SMARCAD1: variants seen among roughly 807,000 people sequenced by gnomAD.
SMARCAD1 encodes the protein SNF2 related chromatin remodeling ATPase with DExD box 1, also known as SWI/SNF-related matrix-associated actin-dependent regulator of chromatin subfamily A containing DEAD/H box 1.
Under a neutral mutation model 127.1 loss-of-function variants are expected in SMARCAD1, and 25 were observed. The ratio of observed to expected loss-of-function variants is 0.20; its 90% CI spans 0.14 to 0.27. The LOEUF is 0.27. Among genes scored for constraint, SMARCAD1 ranks in the 10% least tolerant of loss-of-function variants. The pLI is 1.00. For missense variants in SMARCAD1, 807 were observed against 1,206.0 expected (o/e 0.67, Z 4.90); for synonymous variants, 400 against 396.9 (o/e 1.01, Z -0.09).
At chr4:94,248,916 G>A (rs1426424074) in intron 6 of SMARCAD1, among the ~76,000 whole-genome samples, 1 of 152,168 alleles carries the variant, frequency 6.6e-6, no homozygotes, top group Admixed American at 6.5e-5. Flanking sequence ...CATCTTGTGT[G>A]TATAGCATGT....
intron 6 of SMARCAD1, among the ~76,000 whole-genome samples, chr4:94,242,296 C>G (rs551636130): frequency 3.3e-5 from 5 of 152,088 alleles, no homozygotes; most frequent in South Asian, 4.1e-4. Context: ...CCACCCACCT[C>G]GGCTTCCCAA....
intron 4 of SMARCAD1, 138 bp from the exon 5 acceptor site, chr4:94,236,814 G>T: frequency 1.4e-6 from 1 of 710,486 alleles, no homozygotes; most frequent in Non-Finnish European, 2.5e-6. Context: ...TTTATCATAG[G>T]ACTTAATGAA....
chr4:94,280,877 C>A, intron 20 of SMARCAD1, 97 bp downstream of exon 20: 1 of 1,144,762 alleles, frequency 8.7e-7, no homozygotes, highest in Non-Finnish European at 1.3e-6. Flanking sequence ...TAGCCTATGT[C>A]TGTTCTGCAT....
chr4:94,241,308 G>A (rs572883565), intron 6 of SMARCAD1, among the ~76,000 whole-genome samples: 1 of 152,244 alleles, frequency 6.6e-6, no homozygotes, highest in East Asian at 1.9e-4. Context: ...CATATAATTT[G>A]TGACTGTTTT....
chr4:94,232,749 T>C (rs1196205133), intron 3 of SMARCAD1, among the ~76,000 whole-genome samples: 1 of 151,954 alleles, frequency 6.6e-6, no homozygotes, highest in Non-Finnish European at 1.5e-5. Context: ...GCCTAGGAGT[T>C]CAAGACAAGC....
chr4:94,288,814 A>G (rs1201424766), intron 23 of SMARCAD1, among the ~76,000 whole-genome samples: 1 of 152,218 alleles, frequency 6.6e-6, no homozygotes, highest in Non-Finnish European at 1.5e-5. Flanking sequence ...ATCTCAAAAT[A>G]TTCTCAGTGC....
In SMARCAD1 at chr4:94,253,408, TGAA is replaced by T. The variant is rs1199957406; in HGVS notation, c.1281+404_1281+406del. On this transcript the variant is annotated intron_variant, in intron 9 of 23. Transcript: ENST00000354268. ...TGGCAGAAATTTTACTACAACTACT[TGAA>T]GAGCAATAGCAACGGCCAGGGGAGC... 7.2e-6 allele frequency: 9 copies of T among 1,252,850 alleles called. No homozygotes were observed. In the African/African-American group the frequency reaches 1.4e-4, roughly 19 times the overall value. 77.6% of individuals were successfully genotyped at this position (1,252,850 alleles called of 1,614,324 possible).
intron 2 of SMARCAD1, among the ~76,000 whole-genome samples, chr4:94,225,707 C>G (rs1744881996): frequency 6.6e-6 from 1 of 152,066 alleles, no homozygotes; most frequent in Non-Finnish European, 1.5e-5. Context: ...TGCATATTAA[C>G]TTTGTGATTA....
chr4:94,208,267 C>T, intron 1 of SMARCAD1, 79 bp from the exon 2 acceptor site: 3 of 1,032,144 alleles, frequency 2.9e-6, no homozygotes, highest in Non-Finnish European at 4.6e-6. Context: ...CCTTTATTGC[C>T]TTGGGAATAA....
At chr4:94,253,689 G>T (rs1057187093) in intron 9 of SMARCAD1, 2 of 995,574 alleles carry the variant, frequency 2.0e-6, no homozygotes, top group East Asian at 2.2e-4. Flanking sequence ...CACTTTGCAT[G>T]ATCATTTTCT....
At chr4:94,239,594 A>G (rs570569139) in intron 5 of SMARCAD1, among the ~76,000 whole-genome samples, 155 of 147,010 alleles carry the variant, frequency 1.1e-3, no homozygotes, top group Non-Finnish European at 1.5e-3. Flanking sequence ...TTATTTTGAG[A>G]CAGGGCCTCA....
rs529028578 is a variant in SMARCAD1, at chr4:94,261,636, G to A, written c.1282-3071G>A. On this transcript the variant is annotated intron_variant, in intron 9 of 23. Coordinates refer to ENST00000354268, the MANE Select transcript of SMARCAD1 (RefSeq NM_020159.5). ...AAGTTTGTTTGTTTGTTTTTGAGAC[G>A]GGGTCTCACTCTATCACCCAGGCTG... Among the ~76,000 whole-genome samples the A allele has an allele frequency of 1.4e-4, 22 of 152,096 alleles. No individual in the cohort carries two copies. The East Asian group carries it at 3.1e-3, about 21-fold the overall frequency.
Position 94,226,283 on chromosome 4 carries a change from A to G in SMARCAD1, c.355A>G (p.Thr119Ala). ...TVQEKTFNKD[T>A]VIIVSEPSED... ...TCAAGAGAAAACATTCAACAAAGATACAGTGATTATAGTGTAAGCTGATTA... is the reference window on the plus strand; with the variant it reads ...TCAAGAGAAAACATTCAACAAAGATGCAGTGATTATAGTGTAAGCTGATTA... Residue 119 changes from threonine to alanine, a missense_variant, in exon 3 of 24, where the codon ACA (threonine) becomes GCA (alanine). Physicochemically the swap from Thr to Ala is moderately conservative, Grantham distance 58. This residue lies in a region of SMARCAD1 where 175 missense variants were observed against 169.5 expected (regional missense o/e 1.03). Coordinates refer to ENST00000354268, the MANE Select transcript of SMARCAD1 (RefSeq NM_020159.5). 2 of 1,612,488 alleles carry G rather than the reference A, an allele frequency of 1.2e-6. No individual in the cohort carries two copies. Among genetic ancestry groups the G allele is most frequent in the Non-Finnish European group, 1.7e-6 (2 of 1,178,728 alleles).
intron 6 of SMARCAD1, chr4:94,248,605 T>C: frequency 8.8e-6 from 4 of 452,988 alleles, no homozygotes; most frequent in South Asian, 6.3e-5. Context: ...TAAAAAAGAC[T>C]AACCTTAGGC....
At chr4:94,286,321 G>T (rs1248289773) in intron 23 of SMARCAD1, among the ~76,000 whole-genome samples, 2 of 152,164 alleles carry the variant, frequency 1.3e-5, no homozygotes, top group African/African-American at 4.8e-5. Context: ...TCTCCAAAGA[G>T]AATAAACCTT....
At chr4:94,224,541 T>G (rs189598449) in intron 2 of SMARCAD1, among the ~76,000 whole-genome samples, 3 of 152,340 alleles carry the variant, frequency 2.0e-5, no homozygotes, top group Admixed American at 2.0e-4. Context: ...ATGTGGAATT[T>G]TCCACTCTTG....
intron 19 of SMARCAD1, among the ~76,000 whole-genome samples, chr4:94,280,251 C>CTG (rs1753837776): frequency 6.6e-6 from 1 of 152,048 alleles, no homozygotes; most frequent in Admixed American, 6.5e-5. Context: ...CATAATGAAA[C>CTG]TGCCCATATG....
intron 20 of SMARCAD1, among the ~76,000 whole-genome samples, chr4:94,281,159 A>C (rs1440266906): frequency 6.6e-6 from 1 of 152,204 alleles, no homozygotes; most frequent in East Asian, 1.9e-4. Flanking sequence ...AGTCCAGATA[A>C]TACATACATA....
chr4:94,264,683 A>G lies in SMARCAD1; in HGVS notation c.1282-24A>G, dbSNP rs115735635. Reference sequence around the variant, plus strand: ...CTCTTTCCTAGATCTGAACTATTCAATTATTTTTCTTTTTATGCTATAGTT... The same window carrying G: ...CTCTTTCCTAGATCTGAACTATTCAGTTATTTTTCTTTTTATGCTATAGTT... On this transcript the variant is annotated intron_variant, in intron 9 of 23. Transcript: ENST00000354268. 1.4e-3 allele frequency: 2,254 copies of G among 1,594,426 alleles called. 18 individuals are homozygous for G. In the African/African-American group the frequency reaches 0.025, roughly 18 times the overall value.
Sources: allele counts gnomAD v4.1 joint callset (sites outside exome capture counted in the v4.1 genomes callset), GRCh38; gene constraint gnomAD v4.1.1; regional missense constraint gnomAD v4.1.1; transcripts MANE v1.5; gene names NCBI Gene and HGNC (gene_info 2026-07-23, HGNC 2026-07-21).